Variants in BACH2 observed in about 807,000 individuals in gnomAD.
BACH2 encodes BACH transcriptional regulator 2.
Under a neutral mutation model 61.8 loss-of-function variants are expected in BACH2, and 5 were observed. That is an observed-to-expected ratio of 0.08 (90% CI 0.04 to 0.17). BACH2 has a LOEUF of 0.17. Among genes scored for constraint, BACH2 ranks in the 10% least tolerant of loss-of-function variants. BACH2 has a pLI of 1.00. For missense variants in BACH2, 824 were observed against 1,091.1 expected, an observed-to-expected ratio of 0.76 and a Z score of 3.45; for synonymous variants, 446 against 440.1, an observed-to-expected ratio of 1.01 and a Z score of -0.17.
intron 3 of BACH2, among the ~76,000 whole-genome samples, chr6:90,211,168 C>T (rs1462043907): frequency 7.1e-6 from 1 of 141,296 alleles, no homozygotes; most frequent in Non-Finnish European, 1.5e-5. Context: ...CAAAGTAAGT[C>T]TAAGAAGAAG....
intron 4 of BACH2, among the ~76,000 whole-genome samples, chr6:90,132,163 C>A (rs1784100692): frequency 6.6e-6 from 1 of 152,228 alleles, no homozygotes; most frequent in South Asian, 2.1e-4. Context: ...CCTAGAGACT[C>A]ATCCAAAGAG....
In BACH2 at chr6:90,025,857, A is replaced by G. The variant is rs185105945; in HGVS notation, c.-12-17001T>C. ...AGACACCCTTCTCCATGGGGAAATC[A>G]TTACAGAGAAATGACATGCAAAGTG... On this transcript the variant is annotated intron_variant, in intron 5 of 8. Coordinates refer to ENST00000257749, the MANE Select transcript of BACH2 (RefSeq NM_021813.4). 6.6e-5 allele frequency among the ~76,000 whole-genome samples: 10 copies of G among 152,358 alleles called. No homozygotes were observed. In the East Asian group the frequency reaches 1.7e-3, roughly 26 times the overall value.
At chr6:90,081,779 G>A (rs749819004) in intron 5 of BACH2, among the ~76,000 whole-genome samples, 2 of 152,024 alleles carry the variant, frequency 1.3e-5, no homozygotes, top group South Asian at 4.1e-4. Flanking sequence ...CATAAAGTTT[G>A]TGGATTACAA....
chr6:90,059,054 A>G (rs1170132724), intron 5 of BACH2, among the ~76,000 whole-genome samples: 1 of 152,242 alleles, frequency 6.6e-6, no homozygotes, highest in Non-Finnish European at 1.5e-5. Context: ...CATTCAGGAC[A>G]CAGGCATGGG....
chr6:90,189,951 T>C (rs1209240371), intron 4 of BACH2, among the ~76,000 whole-genome samples: 3 of 121,656 alleles, frequency 2.5e-5, no homozygotes, highest in Admixed American at 8.5e-5. Context: ...ACTCTGAGCA[T>C]TTTTTTTTTA....
At chr6:90,217,093 T>C (rs1478517762) in intron 3 of BACH2, among the ~76,000 whole-genome samples, 2 of 152,180 alleles carry the variant, frequency 1.3e-5, no homozygotes, top group Non-Finnish European at 1.5e-5. Context: ...AGTTCTCTCC[T>C]TGAGCGAAGT....
intron 5 of BACH2, among the ~76,000 whole-genome samples, chr6:90,050,848 C>A (rs950168970): frequency 6.6e-6 from 1 of 151,802 alleles, no homozygotes; most frequent in African/African-American, 2.4e-5. Flanking sequence ...CGGTTCACTG[C>A]AACCTCCATC....
intron 5 of BACH2, among the ~76,000 whole-genome samples, chr6:90,022,281 TATTTAA>T (rs1445838217): frequency 6.6e-6 from 1 of 152,192 alleles, no homozygotes; most frequent in Non-Finnish European, 1.5e-5. Flanking sequence ...ACTTTTCCTA[TATTTAA>T]ATGTAATCGA....
intron 7 of BACH2, among the ~76,000 whole-genome samples, chr6:89,940,947 C>T (rs1021720732): frequency 7.3e-5 from 11 of 151,548 alleles, no homozygotes; most frequent in African/African-American, 2.7e-4. Context: ...AGGGGCTCAA[C>T]AGCCACGTGC....
At chr6:89,983,566 G>A (rs935155213) in intron 6 of BACH2, among the ~76,000 whole-genome samples, 3 of 152,210 alleles carry the variant, frequency 2.0e-5, no homozygotes, top group Non-Finnish European at 4.4e-5. Flanking sequence ...CTACTCGGGA[G>A]GCTGAGGCAG....
chr6:90,100,665 T>C (rs1171695170), intron 4 of BACH2, among the ~76,000 whole-genome samples: 1 of 87,928 alleles, frequency 1.1e-5, no homozygotes, highest in Admixed American at 1.4e-4. Flanking sequence ...AAAATAAATC[T>C]GTCCCTTTCC....
intron 5 of BACH2, among the ~76,000 whole-genome samples, chr6:90,035,722 AAC>A (rs779770913): frequency 2.7e-4 from 41 of 152,142 alleles, no homozygotes; most frequent in South Asian, 6.2e-4. Flanking sequence ...AGGGTGAAAA[AAC>A]AGTTTCATTT....
intron 4 of BACH2, among the ~76,000 whole-genome samples, chr6:90,132,658 G>A (rs1784118074): frequency 6.6e-6 from 1 of 152,134 alleles, no homozygotes; most frequent in African/African-American, 2.4e-5. Flanking sequence ...CCTCTCACTG[G>A]TCTTCCATCT....
At chr6:90,169,434 G>A (rs1191502685) in intron 4 of BACH2, among the ~76,000 whole-genome samples, 1 of 152,090 alleles carries the variant, frequency 6.6e-6, no homozygotes, top group African/African-American at 2.4e-5. Context: ...CCCCCTCCCT[G>A]ATACTTGCAC....
intron 5 of BACH2, among the ~76,000 whole-genome samples, chr6:90,011,010 A>G (rs1275057370): frequency 2.6e-5 from 4 of 152,046 alleles, no homozygotes; most frequent in Non-Finnish European, 5.9e-5. Flanking sequence ...ACTTGTAAAA[A>G]TTTTTTCCCA....
chr6:90,055,178 C>T (rs1780266474), intron 5 of BACH2, among the ~76,000 whole-genome samples: 1 of 152,066 alleles, frequency 6.6e-6, no homozygotes, highest in Non-Finnish European at 1.5e-5. Context: ...CTACTCTGAG[C>T]TACAGGAGGA....
intron 1 of BACH2, among the ~76,000 whole-genome samples, chr6:90,280,836 A>G (rs1771838353): frequency 6.6e-6 from 1 of 152,170 alleles, no homozygotes; most frequent in Admixed American, 6.5e-5. Context: ...TAGACATTAC[A>G]GGGAGGGACT....
intron 4 of BACH2, among the ~76,000 whole-genome samples, chr6:90,169,374 T>A (rs778080034): frequency 6.6e-6 from 1 of 152,150 alleles, no homozygotes; most frequent in Non-Finnish European, 1.5e-5. Context: ...GCCTTAATGA[T>A]GAAAAACTCC....
intron 1 of BACH2, among the ~76,000 whole-genome samples, chr6:90,293,566 AG>A (rs1303145937): frequency 6.6e-6 from 1 of 152,222 alleles, no homozygotes; most frequent in Non-Finnish European, 1.5e-5. Flanking sequence ...CCAGAAGTGA[AG>A]GGCTGGCCTA....
Sources: gnomAD v4.1 joint callset for allele counts (sites outside exome capture counted in the v4.1 genomes callset) on GRCh38, gnomAD v4.1.1 for gene constraint, MANE v1.5 for transcripts, NCBI Gene and HGNC (gene_info 2026-07-23, HGNC 2026-07-21) for gene names.